The following TENT5D variants were observed in gnomAD, a reference collection of about 807,000 sequenced individuals.
The protein encoded by TENT5D is cancer/testis antigen 112.
For synonymous variants in TENT5D, 103 were observed against 100.6 expected, an observed-to-expected ratio of 1.02 and a Z score of -0.15; for missense variants, 191 against 287.0, an observed-to-expected ratio of 0.67 and a Z score of 2.42.
At chrX:80,358,802 A>G (rs1466644757) in intron 3 of TENT5D, among the ~76,000 whole-genome samples, 7 of 112,136 alleles carry the variant, frequency 6.2e-5, no homozygotes, top group Non-Finnish European at 1.1e-4. Flanking sequence ...ACTGACGTAC[A>G]TTAAACACAT....
chrX:80,385,120 C>T (rs1163389576), intron 3 of TENT5D, among the ~76,000 whole-genome samples: 1 of 111,438 alleles, frequency 9.0e-6, no homozygotes. Flanking sequence ...CCAAGACAAT[C>T]CTAAGCCAAA....
intron 3 of TENT5D, among the ~76,000 whole-genome samples, chrX:80,358,772 T>TA (rs1209644802): frequency 1.8e-5 from 2 of 112,034 alleles, no homozygotes; most frequent in African/African-American, 6.5e-5. Flanking sequence ...AGGAAGTTAC[T>TA]ATGCAGTTGT....
chrX:80,401,451 A>G (rs914906656), intron 3 of TENT5D, among the ~76,000 whole-genome samples: 4 of 111,653 alleles, frequency 3.6e-5, no homozygotes, highest in Non-Finnish European at 7.5e-5. Context: ...ACTATGTTGA[A>G]TAGATGTGGT....
Position 80,389,762 on chromosome X carries a change from C to T in TENT5D, c.-142+47198C>T, listed in dbSNP as rs774390799. ...TAGCAACTTGAAGGTCACTGGGAAACGTTTTAGTGGAGTGATGTGAAGAAA... is the reference window on the plus strand; with the variant it reads ...TAGCAACTTGAAGGTCACTGGGAAATGTTTTAGTGGAGTGATGTGAAGAAA... On this transcript the variant is annotated intron_variant, in intron 3 of 4. Coordinates refer to the TENT5D transcript ENST00000538312. Among the ~76,000 whole-genome samples, 6 of 111,726 alleles carry T rather than the reference C, an allele frequency of 5.4e-5. No homozygotes were observed. In the Admixed American group the frequency reaches 5.7e-4, roughly 11 times the overall value.
At chrX:80,347,463 A>G (rs1930086718) in intron 3 of TENT5D, among the ~76,000 whole-genome samples, 1 of 112,009 alleles carries the variant, frequency 8.9e-6, no homozygotes, top group Admixed American at 9.5e-5. Context: ...TGTTAGCCAC[A>G]TAAATGTCTT....
chrX:80,366,020 T>C (rs1170673836), intron 3 of TENT5D, among the ~76,000 whole-genome samples: 2 of 111,596 alleles, frequency 1.8e-5, no homozygotes, highest in African/African-American at 3.3e-5. Context: ...TATTGTGTCA[T>C]AGCAAATGTG....
In TENT5D at chrX:80,425,554, A is replaced by AAT. The variant is rs762807045; in HGVS notation, c.-142+4991_-142+4992insAT. Among the ~76,000 whole-genome samples, 341 of 112,714 alleles carry AAT rather than the reference A, an allele frequency of 3.0e-3. 2 individuals carry two copies. The highest frequency in any genetic ancestry group is 0.011 in the African/African-American group (334 of 31,079). On this transcript the variant is annotated intron_variant, in intron 1 of 2. Transcript: ENST00000308293. ...ACATTTTTTGAAGAGGATTAAAACA[A>AAT]GACAATTGTCTTAAATGACAAAATG...
chrX:80,391,993 C>A (rs1931137434), intron 3 of TENT5D, among the ~76,000 whole-genome samples: 1 of 112,127 alleles, frequency 8.9e-6, no homozygotes, highest in Admixed American at 9.4e-5. Flanking sequence ...TTTTTGGAAC[C>A]AGTTAGGCCT....
chrX:80,397,027 G>C (rs1194959065), intron 3 of TENT5D, among the ~76,000 whole-genome samples: 1 of 97,182 alleles, frequency 1.0e-5, no homozygotes, highest in African/African-American at 3.8e-5. Context: ...GCCGGGGGGG[G>C]GGCTGACCCC....
At chrX:80,411,943 G>A (rs368526843) in intron 3 of TENT5D, among the ~76,000 whole-genome samples, 1 of 112,272 alleles carries the variant, frequency 8.9e-6, no homozygotes, top group East Asian at 2.8e-4. Flanking sequence ...CCCCAGTAAG[G>A]ACTCTGTGTG....
At chrX:80,376,753 A>G (rs1014701475) in intron 3 of TENT5D, among the ~76,000 whole-genome samples, 2 of 111,752 alleles carry the variant, frequency 1.8e-5, no homozygotes, top group Non-Finnish European at 3.8e-5. Flanking sequence ...ATTTTCTGTC[A>G]GAGATCTGTA....
At position 80,357,466 on chromosome X, in the gene TENT5D, A is replaced by G. The variant is rs377673091; in HGVS notation, c.-142+14902A>G. Among the ~76,000 whole-genome samples, 21 of 109,682 alleles carry G rather than the reference A, an allele frequency of 1.9e-4. No homozygotes were observed. In the South Asian group the frequency reaches 8.2e-3, roughly 43 times the overall value. On this transcript the variant is annotated intron_variant, in intron 3 of 4. Transcript: ENST00000538312. ...AATGATCGCCATTCTAACTGGTGTG[A>G]GATGGTATCTCATTGTGGTTTTGAT...
At chrX:80,338,035 G>C (rs1416321779) in intron 2 of TENT5D, among the ~76,000 whole-genome samples, 1 of 112,086 alleles carries the variant, frequency 8.9e-6, no homozygotes, top group African/African-American at 3.2e-5. Context: ...AAAGTGCTAG[G>C]ATTACAGGCG....
intron 3 of TENT5D, among the ~76,000 whole-genome samples, chrX:80,380,743 G>T (rs768854625): frequency 9.0e-6 from 1 of 111,113 alleles, no homozygotes; most frequent in Non-Finnish European, 1.9e-5. Flanking sequence ...GATCTTTGTT[G>T]GTTTAAAGTC....
At chrX:80,346,789 G>A (rs1930071448) in intron 3 of TENT5D, among the ~76,000 whole-genome samples, 1 of 109,868 alleles carries the variant, frequency 9.1e-6, no homozygotes, top group African/African-American at 3.3e-5. Flanking sequence ...TTTCAGCCCC[G>A]CATGCATTAG....
At chrX:80,416,735 A>C (rs892708565), upstream of TENT5D, among the ~76,000 whole-genome samples, 1 of 110,281 alleles carries the variant, frequency 9.1e-6, no homozygotes, top group African/African-American at 3.3e-5. Flanking sequence ...TTGTGTGGTC[A>C]ATTTTAGAGT....
chrX:80,381,832 C>T (rs1930873182), intron 3 of TENT5D, among the ~76,000 whole-genome samples: 1 of 111,795 alleles, frequency 8.9e-6, no homozygotes, highest in African/African-American at 3.3e-5. Flanking sequence ...GTCTTCTCTA[C>T]ACTTTATTCT....
intron 3 of TENT5D, among the ~76,000 whole-genome samples, chrX:80,370,820 G>A (rs1016776587): frequency 9.0e-6 from 1 of 111,480 alleles, no homozygotes; most frequent in Non-Finnish European, 1.9e-5. Context: ...GGACTTGAGG[G>A]TCTAATGAAG....
intron 3 of TENT5D, among the ~76,000 whole-genome samples, chrX:80,358,271 T>C (rs1431999366): frequency 1.8e-5 from 2 of 111,331 alleles, no homozygotes; most frequent in Non-Finnish European, 1.9e-5. Context: ...ACTTCATGTC[T>C]AAAACACCAA....
Sources: gnomAD v4.1 joint callset for allele counts (sites outside exome capture counted in the v4.1 genomes callset) on GRCh38, gnomAD v4.1.1 for gene constraint, MANE v1.5 for transcripts, NCBI Gene and HGNC (gene_info 2026-07-23, HGNC 2026-07-21) for gene names.